Variants in TSPOAP1 observed in about 807,000 individuals in gnomAD.
TSPOAP1 encodes the protein peripheral-type benzodiazepine receptor-associated protein 1.
A neutral mutation model predicts 197.0 loss-of-function variants in TSPOAP1; 87 were observed. The observed-to-expected ratio is 0.44, with a 90% CI of 0.37 to 0.53. The LOEUF is 0.53. TSPOAP1 is among the 20% of genes least tolerant of loss of function. TSPOAP1 has a pLI of 0.00. For missense variants in TSPOAP1, 2,174 were observed against 2,411.3 expected (o/e 0.90, Z 2.06); for synonymous variants, 913 against 998.9 (o/e 0.91, Z 1.62).
In TSPOAP1 at chr17:58,311,190, C is replaced by T. The variant is rs377237820; in HGVS notation, c.3105G>A (p.Thr1035=). The T allele has an allele frequency of 1.1e-4, 171 of 1,611,642 alleles. No individual in the cohort carries two copies. The highest frequency in any genetic ancestry group is 1.4e-4 in the Non-Finnish European group (164 of 1,179,654). The change falls in exon 19 of 32, where the codon ACG becomes ACA. Residue 1035 remains threonine (T), a synonymous_variant. Transcript: ENST00000343736. The stretch of plus-strand genomic sequence containing the variant: ...ACAACTCCACCAGTACACTGCCTGC[C>T]GTGGGTGAGGCCACCTCCATGATCT... The part of the protein sequence containing the change: ...GQKIMEVASP[T]AGSVLVELSQ...
At chr17:58,318,210 G>T in intron 14 of TSPOAP1, 70 bp downstream of exon 14, 1 of 1,559,756 alleles carries the variant, frequency 6.4e-7, no homozygotes. Context: ...CCCAGAAGAG[G>T]TCAGGGCCAC....
chr17:58,319,397 T>C, intron 12 of TSPOAP1, 103 bp from the exon 13 acceptor site: 2 of 1,295,242 alleles, frequency 1.5e-6, no homozygotes, highest in Non-Finnish European at 2.1e-6. Context: ...GTCATATCCA[T>C]CCACCCAGCC....
chr17:58,308,777 T>C lies in TSPOAP1; in HGVS notation c.4495A>G (p.Ile1499Val), dbSNP rs543144273. 3 of 1,613,038 alleles carry C rather than the reference T, an allele frequency of 1.9e-6. No individual in the cohort carries two copies. Among genetic ancestry groups the C allele is most frequent in the East Asian group, 2.2e-5 (1 of 44,884 alleles). ...TGCTCATCCTCCGAATCATATTCAA[T>C]GCTGATTTCCAAGCACTTGGGGGAA... Reference protein sequence around the residue: ...CLSPKCLEISIEYDSEDEQEA... With the variant: ...CLSPKCLEISVEYDSEDEQEA... Residue 1499 changes from isoleucine to valine, a missense_variant, in exon 22 of 32, where the codon ATT becomes GTT. By Grantham distance (29) the Ile-to-Val change is conservative. This residue lies in a region of TSPOAP1 where 1,933 missense variants were observed against 2,139.0 expected (regional missense o/e 0.90). Transcript: ENST00000343736.
chr17:58,306,539 A>G (rs1191241997), intron 25 of TSPOAP1, 126 bp from the exon 26 acceptor site: 1 of 1,026,218 alleles, frequency 9.7e-7, no homozygotes, highest in Non-Finnish European at 1.4e-6. Context: ...TTCATCTCCC[A>G]TCCCTGACAA....
chr17:58,324,748 C>T lies in TSPOAP1; in HGVS notation c.942+63G>A. ...TCTGAGCACGGTGCAGGGGAGATCC[C>T]GGTGGTCGTTCCCCCCACCCATCTG... On this transcript the variant is annotated intron_variant, in intron 5 of 31. Transcript: ENST00000343736. The surrounding 1 kb of genome is among the most constrained non-coding windows in gnomAD (Gnocchi z 5.8). 2.3e-6 allele frequency: 3 copies of T among 1,328,198 alleles called. No individual in the cohort carries two copies. Among genetic ancestry groups the T allele is most frequent in the Non-Finnish European group, 3.0e-6 (3 of 1,006,588 alleles). 82.3% of individuals were successfully genotyped at this position (1,328,198 alleles called of 1,614,324 possible). A position where few individuals can be genotyped will look rare whatever the true frequency, so the allele number is the denominator to read the frequency against.
At chr17:58,320,206 G>T in intron 11 of TSPOAP1, 77 bp from the exon 12 acceptor site, 1 of 1,551,064 alleles carries the variant, frequency 6.4e-7, no homozygotes. Context: ...GGGAGGCGGA[G>T]AAGGGGGCCT....
At chr17:58,327,442 A>G in intron 1 of TSPOAP1, 146 bp downstream of exon 1, 1 of 730,146 alleles carries the variant, frequency 1.4e-6, no homozygotes, top group South Asian at 1.8e-5. Context: ...GAGAGGACAG[A>G]TAGCCACAGA....
In TSPOAP1 at chr17:58,307,885, C is replaced by A. The variant is rs1970951607; in HGVS notation, c.4788G>T (p.Gln1596His). 6.2e-7 allele frequency: 1 copy of A among 1,613,630 alleles called. No homozygotes were observed. The highest frequency in any genetic ancestry group is 8.5e-7 in the Non-Finnish European group (1 of 1,180,034). The change falls in exon 23 of 32, where the codon CAG (glutamine) becomes CAT (histidine). Residue 1596 changes from glutamine (Q) to histidine (H), a missense_variant. Around this residue, in one of 5 missense-constraint regions of TSPOAP1, gnomAD observed 1,933 missense variants for 2,139.0 expected, o/e 0.90. Coordinates refer to ENST00000343736, the MANE Select transcript of TSPOAP1 (RefSeq NM_004758.4). ...GCCTGAGGACTCGGACACCTCTCTT[C>A]TGGGGGCCCCTCCGCCCAGAGCCGT... ...GQDGSGRRGP[Q>H]KRGVRVLRPS...
Position 58,307,593 on chromosome 17 carries a change from T to G in TSPOAP1, c.4983+18A>C, listed in dbSNP as rs1457977808. On this transcript the variant is annotated intron_variant, in intron 24 of 31. Coordinates refer to ENST00000343736, the MANE Select transcript of TSPOAP1 (RefSeq NM_004758.4). ...AGCTGGTGTTTGGAATTCTGAGCCCTGATGGCGAATCAGTCACCTTCAGGA... is the reference window on the plus strand; with the variant it reads ...AGCTGGTGTTTGGAATTCTGAGCCCGGATGGCGAATCAGTCACCTTCAGGA... 1 of 1,611,546 alleles carries G rather than the reference T, an allele frequency of 6.2e-7. No homozygotes were observed. The highest frequency in any genetic ancestry group is 1.3e-5 in the African/African-American group (1 of 74,902).
Position 58,322,288 on chromosome 17 carries a change from T to C in TSPOAP1, c.1422+20A>G, listed in dbSNP as rs754093983. 4 of 1,598,416 alleles carry C rather than the reference T, an allele frequency of 2.5e-6. No individual in the cohort carries two copies. In the African/African-American group the frequency reaches 4.0e-5, roughly 16 times the overall value. On this transcript the variant is annotated intron_variant, in intron 10 of 31. Transcript: ENST00000343736. The surrounding 1 kb of genome is among the most constrained non-coding windows in gnomAD (Gnocchi z 5.0). ...AGCTGGTGTCCAGCAGCCTGCCAGC[T>C]TCCCTCACTGCCGCCCCACCTGCTG...
chr17:58,320,180 G>A (rs1206307197), intron 11 of TSPOAP1, 51 bp from the exon 12 acceptor site: 1 of 1,612,616 alleles, frequency 6.2e-7, no homozygotes, highest in Admixed American at 1.7e-5. Context: ...AGCGCTGTGG[G>A]TTGCTAACCC....
chr17:58,321,590 G>A (rs955797664), intron 10 of TSPOAP1, among the ~76,000 whole-genome samples: 2 of 152,166 alleles, frequency 1.3e-5, no homozygotes, highest in Non-Finnish European at 2.9e-5. Flanking sequence ...GAGCCACCAT[G>A]CCCGGCCAGA....
Position 58,312,030 on chromosome 17 carries a change from T to G in TSPOAP1, c.2791A>C (p.Thr931Pro). Residue 931 changes from threonine to proline, a missense_variant, in exon 17 of 32, where the codon ACC (threonine) becomes CCC (proline). Coordinates refer to ENST00000343736, the MANE Select transcript of TSPOAP1 (RefSeq NM_004758.4). ...GTGCCAGGCCGTAAGTGGCAGAAGG[T>G]GGCCCAGTAGGTACTGGGGCTGGCA... ...PPASPSTYWA[T>P]FCHLRPGTPY... is the part of the protein sequence containing the mutation. The G allele has an allele frequency of 6.2e-7, 1 of 1,613,402 alleles. No homozygotes were observed. The highest frequency in any genetic ancestry group is 8.5e-7 in the Non-Finnish European group (1 of 1,179,900).
chr17:58,314,842 A>G (rs895558521), intron 16 of TSPOAP1, among the ~76,000 whole-genome samples: 1 of 152,250 alleles, frequency 6.6e-6, no homozygotes, highest in African/African-American at 2.4e-5. Flanking sequence ...ATGCTCCAGA[A>G]GCCCATGCAG....
Position 58,326,683 on chromosome 17 carries a change from C to T in TSPOAP1, c.441G>A (p.Leu147=). The T allele has an allele frequency of 6.2e-7, 1 of 1,614,000 alleles. No individual in the cohort carries two copies. Among genetic ancestry groups the T allele is most frequent in the Non-Finnish European group, 8.5e-7 (1 of 1,179,962 alleles). ...CAGCACCCCAGTCTCCAAGCCTCAC[C>T]AGCATCTGGTTTTCCTCCTTAAGGA... ...CAILKEENQM[L]RKSSFPETEE... The change falls in exon 2 of 32, where the codon CTG becomes CTA. Residue 147 remains leucine, a splice_region_variant and synonymous_variant. Transcript: ENST00000343736. This position sits in a 1 kb window ranked among gnomAD's most constrained non-coding sequence, Gnocchi z 4.7.
rs371923333 is a variant in TSPOAP1, at chr17:58,310,507, C to T, written c.3699+5G>A. ...AAGTGACACAGTGTGTCCCCAAACC[C>T]CTACCTCAGCCCTGGGCCTCAGCCC... On this transcript the variant is annotated splice_donor_5th_base_variant and intron_variant, in intron 20 of 31. Transcript: ENST00000343736. 2 of 1,612,548 alleles carry T rather than the reference C, an allele frequency of 1.2e-6. No homozygotes were observed. Among genetic ancestry groups the T allele is most frequent in the African/African-American group, 2.7e-5 (2 of 74,894 alleles).
chr17:58,305,988 C>G, intron 26 of TSPOAP1, 123 bp from the exon 27 acceptor site: 1 of 1,088,736 alleles, frequency 9.2e-7, no homozygotes, highest in South Asian at 1.5e-5. Flanking sequence ...GCCGAGGGCG[C>G]ATCTCCCCAA....
In TSPOAP1 at chr17:58,318,291, G is replaced by A. The variant is rs538240615; in HGVS notation, c.1861C>T (p.Pro621Ser). ...ACCCCAGCAATTACCTCAGGTGTAG[G>A]GCATGACTTGGGGCTGTTGTGGATG... ...ESIHNSPKSCPTPEVDTASEV... is the reference protein window; with the variant it reads ...ESIHNSPKSCSTPEVDTASEV... The change falls in exon 14 of 32, where the codon CCT (proline) becomes TCT (serine). Residue 621 changes from proline to serine, a missense_variant. Coordinates refer to ENST00000343736, the MANE Select transcript of TSPOAP1 (RefSeq NM_004758.4). The A allele has an allele frequency of 6.2e-7, 1 of 1,614,178 alleles. No individual in the cohort carries two copies. Among genetic ancestry groups the A allele is most frequent in the East Asian group, 2.2e-5 (1 of 44,882 alleles).
Position 58,325,020 on chromosome 17 carries a change from G to A in TSPOAP1, c.751-18C>T, listed in dbSNP as rs949904538. 43 of 1,507,240 alleles carry A rather than the reference G, an allele frequency of 2.9e-5. No individual in the cohort carries two copies. In the Admixed American group the frequency reaches 7.4e-4, roughly 26 times the overall value. The allele number at this position is 1,507,240 out of a possible 1,614,324, so 93.4% of individuals were successfully genotyped here. A position where few individuals can be genotyped will look rare whatever the true frequency, so the allele number is the denominator to read the frequency against. On this transcript the variant is annotated intron_variant, in intron 4 of 31. Coordinates refer to ENST00000343736, the MANE Select transcript of TSPOAP1 (RefSeq NM_004758.4). ...GGACCCTCCTGAGGTTGGGGGACAG[G>A]GACAGGGAGGGGACTCAGGCCTAAT...
Sources: gnomAD v4.1 joint callset for allele counts (sites outside exome capture counted in the v4.1 genomes callset) on GRCh38, gnomAD v4.1.1 for gene constraint, gnomAD v4.1.1 regional missense constraint, Gnocchi (gnomAD v3.1) non-coding constraint, MANE v1.5 for transcripts, NCBI Gene and HGNC (gene_info 2026-07-23, HGNC 2026-07-21) for gene names.